CAST: variants seen among roughly 807,000 people sequenced by gnomAD.
CAST encodes MIR583 host.
A neutral mutation model predicts 119.6 loss-of-function variants in CAST; 76 were observed. The observed-to-expected ratio is 0.64, with a 90% CI of 0.53 to 0.77. The LOEUF (loss-of-function observed/expected upper bound fraction) is 0.77, where lower values mean the gene tolerates loss of function less well. Ranked by LOEUF, CAST falls within the 30% of genes least tolerant of loss-of-function variation. The pLI is 0.00. For synonymous variants in CAST, 319 were observed against 331.6 expected, an observed-to-expected ratio of 0.96 and a Z score of 0.41; for missense variants, 953 against 946.5, an observed-to-expected ratio of 1.01 and a Z score of -0.09.
At chr5:96,416,750 T>C in the CAST span, among the ~76,000 whole-genome samples, 1 of 152,204 alleles carries the variant, frequency 6.6e-6, no homozygotes, top group Non-Finnish European at 1.5e-5. Context: ...GCCAAGATGC[T>C]CCTGAAATCC....
At chr5:96,716,173 TG>T (rs776676632) in intron 3 of CAST, among the ~76,000 whole-genome samples, 1 of 152,106 alleles carries the variant, frequency 6.6e-6, no homozygotes, top group Non-Finnish European at 1.5e-5. Context: ...CTATAAAAGG[TG>T]TTTAAAGAAT....
At chr5:96,199,248 A>C in the CAST span, among the ~76,000 whole-genome samples, 1 of 152,152 alleles carries the variant, frequency 6.6e-6, no homozygotes, top group Non-Finnish European at 1.5e-5. Flanking sequence ...TTGAGAAAGA[A>C]AGGCTTTGGT....
At chr5:96,748,417 C>T (rs2150563482) in intron 18 of CAST, 101 bp from the exon 19 acceptor site, 2 of 536,278 alleles carry the variant, frequency 3.7e-6, no homozygotes, top group East Asian at 3.1e-5. Context: ...TAAGTATGGC[C>T]TCATATGTGT....
the CAST span, among the ~76,000 whole-genome samples, chr5:96,508,708 G>A: frequency 6.6e-6 from 1 of 152,188 alleles, no homozygotes; most frequent in African/African-American, 2.4e-5. Context: ...GGAAGTTGGA[G>A]GGTCTCAGGA....
At chr5:96,393,366 G>T in the CAST span, 9 of 1,613,834 alleles carry the variant, frequency 5.6e-6, no homozygotes, top group East Asian at 1.6e-4. Context: ...GGGTTCTCTT[G>T]TGTGGGCTGC....
At chr5:95,964,228 C>G in the CAST span, among the ~76,000 whole-genome samples, 5 of 152,100 alleles carry the variant, frequency 3.3e-5, no homozygotes, top group Non-Finnish European at 5.9e-5. Context: ...ACACATTACG[C>G]CTGCCTGAAT....
chr5:96,647,867 G>T (rs1748038834), intron 1 of CAST, among the ~76,000 whole-genome samples: 1 of 152,132 alleles, frequency 6.6e-6, no homozygotes, highest in African/African-American at 2.4e-5. Context: ...AAGCCACCTA[G>T]TTTGAAGCTG....
At chr5:96,408,223 T>C in the CAST span, 1 of 1,611,294 alleles carries the variant, frequency 6.2e-7, no homozygotes, top group South Asian at 1.1e-5. Context: ...TGGGCCTTAC[T>C]TTGCTTCCAG....
chr5:96,250,014 T>G, the CAST span, among the ~76,000 whole-genome samples: 1 of 152,194 alleles, frequency 6.6e-6, no homozygotes, highest in East Asian at 1.9e-4. Context: ...GTTTGGCTTC[T>G]GTGGCTCTCC....
At chr5:96,399,494 T>C in the CAST span, among the ~76,000 whole-genome samples, 1 of 152,084 alleles carries the variant, frequency 6.6e-6, no homozygotes, top group Non-Finnish European at 1.5e-5. Flanking sequence ...AAGTGTATGA[T>C]AAAGAATCCC....
chr5:96,253,485 C>G, the CAST span, among the ~76,000 whole-genome samples: 3 of 152,114 alleles, frequency 2.0e-5, no homozygotes, highest in Admixed American at 1.3e-4. Context: ...ATTTTCACTT[C>G]TGTTGGAGAG....
chr5:96,264,800 T>C, the CAST span, among the ~76,000 whole-genome samples: 2 of 152,270 alleles, frequency 1.3e-5, no homozygotes, highest in Non-Finnish European at 2.9e-5. Context: ...TATATGCTTT[T>C]ATATCTGGCT....
At chr5:96,000,661 G>A in the CAST span, among the ~76,000 whole-genome samples, 1 of 152,198 alleles carries the variant, frequency 6.6e-6, no homozygotes, top group Non-Finnish European at 1.5e-5. Flanking sequence ...GAATGAGTCT[G>A]AGGTAAAATC....
chr5:96,465,169 G>A, the CAST span, among the ~76,000 whole-genome samples: 1 of 151,734 alleles, frequency 6.6e-6, no homozygotes, highest in African/African-American at 2.4e-5. Context: ...TTATAATAGT[G>A]TAAATGTTCT....
chr5:96,400,053 G>A, the CAST span: 3 of 1,614,028 alleles, frequency 1.9e-6, no homozygotes, highest in Non-Finnish European at 2.5e-6. Context: ...TTGGCATTTA[G>A]CAAGCCAAAT....
chr5:96,469,696 T>C, the CAST span, among the ~76,000 whole-genome samples: 1 of 151,738 alleles, frequency 6.6e-6, no homozygotes, highest in Non-Finnish European at 1.5e-5. Context: ...TATATGCATA[T>C]GATTTACATC....
rs181114083 is a variant in CAST at position 96,668,122 on chromosome 5, C to T, written c.75+5625C>T. Among the ~76,000 whole-genome samples the T allele has an allele frequency of 1.2e-3, 178 of 151,284 alleles. 1 individual carries two copies. Among genetic ancestry groups the T allele is most frequent in the African/African-American group, 4.1e-3 (169 of 41,008 alleles). On this transcript the variant is annotated intron_variant, in intron 1 of 31. Transcript: ENST00000675179. ...TCCTAATCTTGTTTTATCTGTTAAC[C>T]GTCACAGCTACCAGCACAGACACGC...
chr5:96,271,650 AG>A, the CAST span, among the ~76,000 whole-genome samples: 6 of 148,620 alleles, frequency 4.0e-5, no homozygotes, highest in East Asian at 7.7e-4. Flanking sequence ...TGAAACCACT[AG>A]GAAAAAAAAA....
chr5:96,340,670 C>A, the CAST span, among the ~76,000 whole-genome samples: 1 of 152,180 alleles, frequency 6.6e-6, no homozygotes, highest in Non-Finnish European at 1.5e-5. Flanking sequence ...TTGTTTACCC[C>A]AGTTTATAAC....
Sources: gnomAD v4.1 joint callset for allele counts (sites outside exome capture counted in the v4.1 genomes callset) on GRCh38, gnomAD v4.1.1 for gene constraint, MANE v1.5 for transcripts, NCBI Gene and HGNC (gene_info 2026-07-23, HGNC 2026-07-21) for gene names.